Variants in SLC25A26 observed in about 807,000 individuals in gnomAD.
SLC25A26 encodes the protein mitochondrial S-adenosylmethionine carrier protein.
SLC25A26 carries 36 observed loss-of-function variants against 37.8 expected under a neutral mutation model. That is an observed-to-expected ratio of 0.95 (90% CI 0.73 to 1.26). SLC25A26 has a LOEUF of 1.26. Ranked by LOEUF, SLC25A26 falls within the 50% of genes most tolerant of loss-of-function variation. SLC25A26 has a pLI of 0.00. For missense variants in SLC25A26, 390 were observed against 331.1 expected, an observed-to-expected ratio of 1.18 and a Z score of -1.38; for synonymous variants, 129 against 122.5, an observed-to-expected ratio of 1.05 and a Z score of -0.35.
At chr3:66,372,869 G>A (rs1223197578) in intron 9 of SLC25A26, among the ~76,000 whole-genome samples, 1 of 152,054 alleles carries the variant, frequency 6.6e-6, no homozygotes, top group African/African-American at 2.4e-5. Flanking sequence ...CCCGGGGCGT[G>A]CACTAAGTTT....
intron 5 of SLC25A26, among the ~76,000 whole-genome samples, chr3:66,302,770 T>C (rs1160812539): frequency 1.3e-5 from 2 of 152,212 alleles, no homozygotes; most frequent in Non-Finnish European, 2.9e-5. Context: ...GGTTAGCCCA[T>C]ATTTAAGTTC....
intron 1 of SLC25A26, among the ~76,000 whole-genome samples, chr3:66,169,233 T>A (rs2070463553): frequency 6.6e-6 from 1 of 152,204 alleles, no homozygotes; most frequent in Admixed American, 6.5e-5. Context: ...ACTTACTAAG[T>A]AGTTATTAGT....
At chr3:66,267,852 C>T (rs1342592239) in intron 5 of SLC25A26, among the ~76,000 whole-genome samples, 2 of 152,130 alleles carry the variant, frequency 1.3e-5, no homozygotes, top group East Asian at 3.9e-4. Context: ...CCCTTAATAT[C>T]CATGTTAGGC....
At chr3:66,371,293 C>A in intron 9 of SLC25A26, 2 of 1,549,982 alleles carry the variant, frequency 1.3e-6, no homozygotes, top group Non-Finnish European at 1.7e-6. Flanking sequence ...TCGGGCGTCT[C>A]AGCTGGCAGT....
At chr3:66,177,726 G>T (rs141014878) in intron 1 of SLC25A26, among the ~76,000 whole-genome samples, 1 of 152,330 alleles carries the variant, frequency 6.6e-6, no homozygotes, top group East Asian at 1.9e-4. Flanking sequence ...GAAGAGTAAT[G>T]CAAAGTAAAG....
At chr3:66,310,834 G>A (rs2075356086) in intron 5 of SLC25A26, among the ~76,000 whole-genome samples, 1 of 152,094 alleles carries the variant, frequency 6.6e-6, no homozygotes, top group Non-Finnish European at 1.5e-5. Context: ...CTCTCTTTTG[G>A]CTTGTAGCGT....
intron 2 of SLC25A26, among the ~76,000 whole-genome samples, chr3:66,238,742 G>A (rs1316472459): frequency 2.0e-5 from 3 of 152,048 alleles, no homozygotes; most frequent in African/African-American, 7.3e-5. Context: ...AAGAGAAAAC[G>A]TATATTCAGT....
At chr3:66,222,304 C>T (rs184109872) in intron 1 of SLC25A26, among the ~76,000 whole-genome samples, 2 of 151,934 alleles carry the variant, frequency 1.3e-5, no homozygotes, top group Admixed American at 1.3e-4. Context: ...CCTCAGCCTC[C>T]CGAGTAGCTG....
intron 5 of SLC25A26, among the ~76,000 whole-genome samples, chr3:66,345,325 C>G (rs2107733747): frequency 6.6e-6 from 1 of 152,216 alleles, no homozygotes; most frequent in Admixed American, 6.5e-5. Context: ...TCCTGGAGAC[C>G]TGTTTCTCAA....
At chr3:66,281,288 GT>G (rs1189613550) in intron 5 of SLC25A26, among the ~76,000 whole-genome samples, 2 of 152,066 alleles carry the variant, frequency 1.3e-5, no homozygotes, top group African/African-American at 4.8e-5. Context: ...AGTTGTTTTC[GT>G]TTGTTATACA....
intron 6 of SLC25A26, among the ~76,000 whole-genome samples, chr3:66,361,981 A>G (rs966798583): frequency 1.3e-5 from 2 of 152,072 alleles, no homozygotes; most frequent in African/African-American, 4.8e-5. Context: ...TCAAAAAAAA[A>G]GAAGAAAGAA....
intron 1 of SLC25A26, among the ~76,000 whole-genome samples, chr3:66,207,708 G>A (rs2106825638): frequency 6.6e-6 from 1 of 152,304 alleles, no homozygotes. Context: ...ATACTTGAGA[G>A]ACAAGATAGG....
intron 1 of SLC25A26, among the ~76,000 whole-genome samples, chr3:66,206,012 C>A (rs1275910067): frequency 1.3e-5 from 2 of 152,118 alleles, no homozygotes; most frequent in Non-Finnish European, 2.9e-5. Flanking sequence ...CTCAATCTTC[C>A]TGGGAACCTC....
intron 7 of SLC25A26, among the ~76,000 whole-genome samples, chr3:66,365,995 G>A (rs961359666): frequency 1.3e-5 from 2 of 152,174 alleles, no homozygotes; most frequent in African/African-American, 4.8e-5. Flanking sequence ...TAGGAAGGTG[G>A]CTACTTTGTC....
In SLC25A26 at chr3:66,245,244, T is replaced by A. The variant is rs547911687; in HGVS notation, c.300+1932T>A. 1.6e-3 allele frequency among the ~76,000 whole-genome samples: 120 copies of A among 73,302 alleles called. 5 individuals are homozygous for A. The South Asian group carries it at 0.072, about 44-fold the overall frequency. 48.1% of individuals were successfully genotyped at this position (73,302 alleles called of 152,430 possible). A position where few individuals can be genotyped will look rare whatever the true frequency, so the allele number is the denominator to read the frequency against. ...TTTAAACCGAAATCGTAAACACAGT[T>A]ATGATTAAAAAAAAAAAAAAAAACA... On this transcript the variant is annotated intron_variant, in intron 3 of 9. Transcript: ENST00000354883.
intron 6 of SLC25A26, among the ~76,000 whole-genome samples, chr3:66,355,054 T>C (rs953215990): frequency 1.3e-5 from 2 of 152,130 alleles, no homozygotes; most frequent in Non-Finnish European, 2.9e-5. Flanking sequence ...AGAAAGCTCA[T>C]AGAACCCCCA....
intron 5 of SLC25A26, among the ~76,000 whole-genome samples, chr3:66,328,785 G>T (rs1384931843): frequency 2.6e-5 from 4 of 152,006 alleles, no homozygotes; most frequent in African/African-American, 7.2e-5. Flanking sequence ...TTTGACTTAT[G>T]CCCTTAAGTT....
intron 1 of SLC25A26, among the ~76,000 whole-genome samples, chr3:66,231,342 A>G (rs781906197): frequency 3.3e-5 from 5 of 152,154 alleles, no homozygotes; most frequent in Non-Finnish European, 5.9e-5. Flanking sequence ...CTATATATCA[A>G]GTACAACCAG....
intron 5 of SLC25A26, among the ~76,000 whole-genome samples, chr3:66,331,180 A>G (rs2075965566): frequency 6.6e-6 from 1 of 151,974 alleles, no homozygotes; most frequent in South Asian, 2.1e-4. Context: ...GAGTAAGAAA[A>G]GTTTTTTCTT....
Sources: gnomAD v4.1 joint callset for allele counts (sites outside exome capture counted in the v4.1 genomes callset) on GRCh38, gnomAD v4.1.1 for gene constraint, MANE v1.5 for transcripts, NCBI Gene and HGNC (gene_info 2026-07-23, HGNC 2026-07-21) for gene names.